The following ADCY3 variants were observed in gnomAD, a reference collection of about 807,000 sequenced individuals.
The protein encoded by ADCY3 is adenylate cyclase 3.
A neutral mutation model predicts 119.4 loss-of-function variants in ADCY3; 70 were observed. That is an observed-to-expected ratio of 0.59 (90% CI 0.48 to 0.72). ADCY3 has a LOEUF of 0.72. ADCY3 is among the 30% of genes least tolerant of loss of function. ADCY3 has a pLI of 0.00. For missense variants in ADCY3, 1,238 were observed against 1,541.6 expected (o/e 0.80, Z 3.30); for synonymous variants, 672 against 621.4 (o/e 1.08, Z -1.21).
chr2:24,916,218 T>C (rs531423415), intron 2 of ADCY3, among the ~76,000 whole-genome samples: 1 of 152,390 alleles, frequency 6.6e-6, no homozygotes, highest in South Asian at 2.1e-4. Flanking sequence ...ATCATGAGTT[T>C]AGAAGTGATC....
intron 2 of ADCY3, among the ~76,000 whole-genome samples, chr2:24,880,660 G>C (rs946612014): frequency 6.6e-6 from 1 of 152,236 alleles, no homozygotes; most frequent in African/African-American, 2.4e-5. Context: ...GAGGAAGACA[G>C]CTGGCCCTAG....
rs370785206 is a variant in ADCY3 at position 24,918,510 on chromosome 2, C to A, written c.478G>T (p.Ala160Ser). The part of the protein sequence containing the change: ...QIFSYLGLNF[A>S]RAHAASDTVG... ...GTGTCACTAGCCGCGTGGGCACGCG[C>A]GAAGTTCAGGCCCAGGTAGGAGAAG... Residue 160 changes from alanine to serine, a missense_variant, in exon 2 of 22, where the codon GCG becomes TCG. Physicochemically the swap from Ala to Ser is moderately conservative, Grantham distance 99. Coordinates refer to ENST00000679454, the MANE Select transcript of ADCY3 (RefSeq NM_004036.5). This position sits in a 1 kb window ranked among gnomAD's most constrained non-coding sequence, Gnocchi z 5.4. The A allele has an allele frequency of 2.5e-6, 4 of 1,613,878 alleles. No individual in the cohort carries two copies. Among genetic ancestry groups the A allele is most frequent in the Non-Finnish European group, 3.4e-6 (4 of 1,179,924 alleles).
intron 20 of ADCY3, chr2:24,821,237 G>A (rs760190904): frequency 1.1e-5 from 5 of 461,126 alleles, no homozygotes; most frequent in South Asian, 3.0e-5. Context: ...CAACCCCTCT[G>A]GAAATGGATC....
Position 24,888,482 on chromosome 2 carries a change from C to T in ADCY3, c.676-15763G>A, listed in dbSNP as rs1677320639. Among the ~76,000 whole-genome samples the T allele has an allele frequency of 4.6e-5, 7 of 152,232 alleles. No individual in the cohort carries two copies. The South Asian group carries it at 1.4e-3, about 32-fold the overall frequency. ...CACAGTGGCTGCCTGTGTCTGGGGA[C>T]ACCAATTAACCTTCACACCATTAGT... On this transcript the variant is annotated intron_variant, in intron 2 of 21. Coordinates refer to ENST00000679454, the MANE Select transcript of ADCY3 (RefSeq NM_004036.5).
rs1031073988 is a variant in ADCY3, at chr2:24,829,367, C to T, written c.2173-1206G>A. 4.0e-5 allele frequency among the ~76,000 whole-genome samples: 6 copies of T among 150,562 alleles called. No individual in the cohort carries two copies. In the East Asian group the frequency reaches 1.2e-3, roughly 30 times the overall value. ...AGCCCTGGAGCTTTTTCACTTATAC[C>T]ACTGGCAGAATAAGTCTCCATGTTG... On this transcript the variant is annotated intron_variant, in intron 13 of 21. Transcript: ENST00000679454.
chr2:24,909,903 C>A (rs530610935), intron 2 of ADCY3, among the ~76,000 whole-genome samples: 2 of 152,188 alleles, frequency 1.3e-5, no homozygotes, highest in African/African-American at 4.8e-5. Context: ...CTTCTTGTAG[C>A]CGATAGTGAT....
intron 2 of ADCY3, among the ~76,000 whole-genome samples, chr2:24,892,674 G>A (rs1035929795): frequency 6.6e-6 from 1 of 152,142 alleles, no homozygotes; most frequent in African/African-American, 2.4e-5. Flanking sequence ...CTTTGGTACA[G>A]CTTTGTCATT....
chr2:24,896,544 C>T (rs11884570), intron 2 of ADCY3, among the ~76,000 whole-genome samples: 4,832 of 152,032 alleles, frequency 0.032, 109 homozygotes, highest in African/African-American at 0.062. Context: ...ACACTGCAAA[C>T]GTTACCATTT....
At chr2:24,840,824 C>A (rs945499297) in intron 6 of ADCY3, among the ~76,000 whole-genome samples, 1 of 152,180 alleles carries the variant, frequency 6.6e-6, no homozygotes, top group African/African-American at 2.4e-5. Flanking sequence ...AGCCTCATCC[C>A]TGAGCCCCTC....
chr2:24,886,373 G>A (rs1157689963), intron 2 of ADCY3, among the ~76,000 whole-genome samples: 2 of 152,060 alleles, frequency 1.3e-5, no homozygotes, highest in African/African-American at 2.4e-5. Flanking sequence ...CCTCCCCCTC[G>A]AAATCTAGCT....
chr2:24,892,533 G>A (rs10176464), intron 2 of ADCY3, among the ~76,000 whole-genome samples: 17,457 of 152,222 alleles, frequency 0.11, 3,174 homozygotes, highest in African/African-American at 0.39. Context: ...TTATAGGCGT[G>A]AGCCACCACT....
intron 2 of ADCY3, among the ~76,000 whole-genome samples, chr2:24,917,899 G>A (rs535103628): frequency 6.6e-5 from 10 of 152,338 alleles, no homozygotes; most frequent in African/African-American, 2.4e-4. Flanking sequence ...ATTTGACAAA[G>A]GGGCACTGAG....
intron 2 of ADCY3, among the ~76,000 whole-genome samples, chr2:24,890,435 C>A (rs188845739): frequency 6.6e-6 from 1 of 152,334 alleles, no homozygotes; most frequent in Non-Finnish European, 1.5e-5. Context: ...AAATTCAGCA[C>A]TGAAACCATC....
intron 2 of ADCY3, among the ~76,000 whole-genome samples, chr2:24,875,926 C>T (rs1675627443): frequency 6.6e-6 from 1 of 152,048 alleles, no homozygotes; most frequent in South Asian, 2.1e-4. Context: ...AAGCACTCCT[C>T]AACTTATTTA....
At chr2:24,829,235 T>C (rs1669080925) in intron 13 of ADCY3, among the ~76,000 whole-genome samples, 1 of 151,780 alleles carries the variant, frequency 6.6e-6, no homozygotes, top group African/African-American at 2.4e-5. Context: ...CAGGCTGGTC[T>C]CAAACTCCTG....
intron 2 of ADCY3, among the ~76,000 whole-genome samples, chr2:24,915,903 G>C (rs1664391860): frequency 6.6e-6 from 1 of 152,136 alleles, no homozygotes; most frequent in African/African-American, 2.4e-5. Context: ...GACCCTGGTG[G>C]GTGGGCCTGG....
At chr2:24,890,821 A>C (rs1677565938) in intron 2 of ADCY3, among the ~76,000 whole-genome samples, 2 of 151,782 alleles carry the variant, frequency 1.3e-5, no homozygotes, top group African/African-American at 4.8e-5. Context: ...TTTCTACTTC[A>C]ATCTAAAGGT....
chr2:24,838,774 A>G (rs1357175750), intron 7 of ADCY3, 152 bp from the exon 8 acceptor site: 2 of 1,591,750 alleles, frequency 1.3e-6, no homozygotes, highest in East Asian at 2.2e-5. Context: ...CAGTTCTGCC[A>G]CTAACTAGCT....
intron 2 of ADCY3, among the ~76,000 whole-genome samples, chr2:24,889,616 C>T (rs750839097): frequency 6.6e-6 from 1 of 152,182 alleles, no homozygotes; most frequent in Non-Finnish European, 1.5e-5. Context: ...GCGAGTGGGC[C>T]ACTTGAGGTC....
Sources: gnomAD v4.1 joint callset for allele counts (sites outside exome capture counted in the v4.1 genomes callset) on GRCh38, gnomAD v4.1.1 for gene constraint, Gnocchi (gnomAD v3.1) non-coding constraint, MANE v1.5 for transcripts, NCBI Gene and HGNC (gene_info 2026-07-23, HGNC 2026-07-21) for gene names.